RAB11A: variants seen among roughly 807,000 people sequenced by gnomAD.
The protein encoded by RAB11A is RAB11A, member RAS oncogene family, also known as ras-related protein Rab-11A.
Under a neutral mutation model 28.0 loss-of-function variants are expected in RAB11A, and 9 were observed. The observed-to-expected ratio is 0.32, with a 90% confidence interval of 0.19 to 0.56. The LOEUF (loss-of-function observed/expected upper bound fraction) is 0.56. RAB11A is among the 20% of genes least tolerant of loss of function. The pLI, the probability that RAB11A is intolerant of heterozygous loss-of-function variation, is 0.91. For synonymous variants in RAB11A, 85 were observed against 88.2 expected, an observed-to-expected ratio of 0.96 and a Z score of 0.20; for missense variants, 108 against 269.6, an observed-to-expected ratio of 0.40 and a Z score of 4.20.
At chr15:65,878,990 C>CTT (rs35545905) in intron 3 of RAB11A, among the ~76,000 whole-genome samples, 175 of 128,534 alleles carry the variant, frequency 1.4e-3, no homozygotes, top group Admixed American at 3.1e-3. Flanking sequence ...CAATTTCTCA[C>CTT]TTTTTTTTTT....
rs2078275979 is a variant in RAB11A at position 65,889,673 on chromosome 15, T to C, written c.*1833T>C. 6.6e-6 allele frequency: 1 copy of C among 152,234 alleles called. No individual in the cohort carries two copies. Among genetic ancestry groups the C allele is most frequent in the South Asian group, 2.1e-4 (1 of 4,832 alleles). The allele number at this position is 152,234 out of a possible 1,614,324, so 9.4% of individuals were successfully genotyped here. On this transcript the variant is annotated 3_prime_UTR_variant, in exon 5 of 5. Transcript: ENST00000261890. ...GGAAAGTAGTGTGTATTTTCATATA[T>C]AACAGTGTCACCAGACCCAGGAAAA...
chr15:65,880,423 T>G (rs2078215195), intron 4 of RAB11A, among the ~76,000 whole-genome samples: 1 of 152,184 alleles, frequency 6.6e-6, no homozygotes, highest in Admixed American at 6.5e-5. Context: ...AATCTTCTAA[T>G]TAGTACTTTG....
intron 1 of RAB11A, among the ~76,000 whole-genome samples, chr15:65,875,847 CTT>C (rs2078188639): frequency 6.6e-6 from 1 of 152,218 alleles, no homozygotes; most frequent in African/African-American, 2.4e-5. Context: ...ATCCCAGTCT[CTT>C]TAGTAAGGAA....
intron 4 of RAB11A, among the ~76,000 whole-genome samples, chr15:65,886,649 A>G (rs961263161): frequency 1.3e-5 from 2 of 152,226 alleles, no homozygotes; most frequent in African/African-American, 4.8e-5. Context: ...TAGGCAGTGC[A>G]GTATAAGACC....
intron 1 of RAB11A, among the ~76,000 whole-genome samples, chr15:65,872,057 C>G (rs1253412374): frequency 2.6e-5 from 4 of 151,248 alleles, no homozygotes; most frequent in Non-Finnish European, 5.9e-5. Context: ...CTCAGCCTCC[C>G]TAGCTACTCT....
chr15:65,873,044 G>A (rs2078172378), intron 1 of RAB11A, among the ~76,000 whole-genome samples: 1 of 152,178 alleles, frequency 6.6e-6, no homozygotes, highest in Non-Finnish European at 1.5e-5. Flanking sequence ...GGTCTAAATA[G>A]GAATGTAATG....
chr15:65,870,828 G>C (rs2078155945), intron 1 of RAB11A, among the ~76,000 whole-genome samples: 1 of 151,978 alleles, frequency 6.6e-6, no homozygotes, highest in African/African-American at 2.4e-5. Flanking sequence ...GGGTTGGTTA[G>C]AAAGAATTGC....
At chr15:65,879,074 G>T (rs1334706565) in intron 3 of RAB11A, among the ~76,000 whole-genome samples, 1 of 150,290 alleles carries the variant, frequency 6.7e-6, no homozygotes, top group Non-Finnish European at 1.5e-5. Context: ...GCTCACTGCA[G>T]CCTCGACCTC....
intron 4 of RAB11A, among the ~76,000 whole-genome samples, chr15:65,881,929 T>C (rs1425881175): frequency 3.4e-5 from 5 of 146,132 alleles, no homozygotes; most frequent in African/African-American, 7.6e-5. Flanking sequence ...GGCATGGTAG[T>C]GTGTGCGCCT....
Position 65,889,813 on chromosome 15 carries a change from C to T in RAB11A, c.*1973C>T, listed in dbSNP as rs963647327. On this transcript the variant is annotated 3_prime_UTR_variant, in exon 5 of 5. Coordinates refer to ENST00000261890, the MANE Select transcript of RAB11A (RefSeq NM_004663.5). ...ATAAAGTAAACTTAGAATTTTTACC[C>T]AAGTGTAGACTTAAATGTTGCTTTG... The T allele has an allele frequency of 2.0e-5, 3 of 152,084 alleles. No homozygotes were observed. In the East Asian group the frequency reaches 5.8e-4, roughly 29 times the overall value. 9.4% of individuals were successfully genotyped at this position (152,084 alleles called of 1,614,324 possible).
chr15:65,884,598 G>A (rs1271687993), intron 4 of RAB11A, among the ~76,000 whole-genome samples: 2 of 152,160 alleles, frequency 1.3e-5, no homozygotes, highest in South Asian at 4.1e-4. Flanking sequence ...TACAAGTACA[G>A]CATACTGTTT....
intron 3 of RAB11A, among the ~76,000 whole-genome samples, chr15:65,878,523 A>G (rs2078202358): frequency 6.6e-6 from 1 of 152,190 alleles, no homozygotes; most frequent in South Asian, 2.1e-4. Flanking sequence ...CTCTACTAAA[A>G]ATACAAAAAA....
intron 1 of RAB11A, among the ~76,000 whole-genome samples, chr15:65,875,395 T>A (rs2078186134): frequency 6.6e-6 from 1 of 152,212 alleles, no homozygotes; most frequent in African/African-American, 2.4e-5. Flanking sequence ...TAATAGACTA[T>A]TAACTGAAAC....
At chr15:65,875,839 C>T (rs1434521496) in intron 1 of RAB11A, among the ~76,000 whole-genome samples, 1 of 152,184 alleles carries the variant, frequency 6.6e-6, no homozygotes, top group African/African-American at 2.4e-5. Flanking sequence ...GTACCACCAT[C>T]CCAGTCTCTT....
intron 4 of RAB11A, among the ~76,000 whole-genome samples, chr15:65,886,648 C>T (rs1032188488): frequency 1.3e-5 from 2 of 152,140 alleles, no homozygotes; most frequent in Non-Finnish European, 2.9e-5. Context: ...TTAGGCAGTG[C>T]AGTATAAGAC....
At chr15:65,874,837 G>A (rs966236361) in intron 1 of RAB11A, among the ~76,000 whole-genome samples, 1 of 151,932 alleles carries the variant, frequency 6.6e-6, no homozygotes, top group African/African-American at 2.4e-5. Context: ...TTTGAGCCCT[G>A]GAGTTTGAGA....
intron 4 of RAB11A, among the ~76,000 whole-genome samples, chr15:65,885,115 A>C (rs1389495719): frequency 6.6e-6 from 1 of 150,422 alleles, no homozygotes; most frequent in Non-Finnish European, 1.5e-5. Context: ...CGTATCCAAG[A>C]AATTTAACAT....
intron 1 of RAB11A, among the ~76,000 whole-genome samples, chr15:65,873,504 A>C (rs1484231835): frequency 6.6e-6 from 1 of 151,920 alleles, no homozygotes; most frequent in Non-Finnish European, 1.5e-5. Flanking sequence ...ATCTGGAAAA[A>C]CTTGTCTAGA....
chr15:65,888,210 A>G lies in RAB11A; in HGVS notation c.*370A>G, dbSNP rs1052347415. 1.8e-5 allele frequency: 3 copies of G among 164,626 alleles called. No homozygotes were observed. Among genetic ancestry groups the G allele is most frequent in the African/African-American group, 7.1e-5 (3 of 41,972 alleles). 10.2% of individuals were successfully genotyped at this position (164,626 alleles called of 1,614,324 possible). A position where few individuals can be genotyped will look rare whatever the true frequency, so the allele number is the denominator to read the frequency against. On this transcript the variant is annotated 3_prime_UTR_variant, in exon 5 of 5. Transcript: ENST00000261890. ...ACTAAGAAGACCTTAGAAATAAGCTACCATTTTGCCACAGAGCAGCTTATA... is the reference window on the plus strand; with the variant it reads ...ACTAAGAAGACCTTAGAAATAAGCTGCCATTTTGCCACAGAGCAGCTTATA...
Sources: gnomAD v4.1 joint callset for allele counts (sites outside exome capture counted in the v4.1 genomes callset) on GRCh38, gnomAD v4.1.1 for gene constraint, MANE v1.5 for transcripts, NCBI Gene and HGNC (gene_info 2026-07-23, HGNC 2026-07-21) for gene names.